The following GPHN variants were observed in gnomAD, a reference collection of about 807,000 sequenced individuals.
GPHN encodes the protein gephyrin.
A neutral mutation model predicts 95.5 loss-of-function variants in GPHN; 17 were observed. That is an observed-to-expected ratio of 0.18 (90% CI 0.12 to 0.27). GPHN has a LOEUF of 0.27. GPHN is among the 10% of genes least tolerant of loss of function. The probability of loss-of-function intolerance (pLI) is 1.00; values close to 1 mark genes in which losing one functional copy is unlikely to be tolerated. For missense variants in GPHN, 660 were observed against 978.1 expected, an observed-to-expected ratio of 0.67 and a Z score of 4.34; for synonymous variants, 320 against 322.5, an observed-to-expected ratio of 0.99 and a Z score of 0.08.
intron 1 of GPHN, among the ~76,000 whole-genome samples, chr14:66,591,259 C>G (rs968419864): frequency 3.3e-5 from 5 of 152,126 alleles, no homozygotes; most frequent in Non-Finnish European, 7.4e-5. Flanking sequence ...GCAAGGATGC[C>G]CTCTCTCACC....
intron 10 of GPHN, among the ~76,000 whole-genome samples, chr14:67,028,270 G>A (rs1251406478): frequency 2.0e-5 from 3 of 152,126 alleles, no homozygotes; most frequent in Non-Finnish European, 1.5e-5. Context: ...GTTATTTATT[G>A]ATGGACACAG....
the GPHN span, among the ~76,000 whole-genome samples, chr14:67,710,051 A>G: frequency 3.3e-5 from 5 of 152,152 alleles, no homozygotes; most frequent in East Asian, 9.6e-4. Flanking sequence ...CTCCCTCCCC[A>G]CTTAGAGTCT....
At chr14:66,830,979 A>T (rs1029808593) in intron 4 of GPHN, among the ~76,000 whole-genome samples, 1 of 152,090 alleles carries the variant, frequency 6.6e-6, no homozygotes, top group Non-Finnish European at 1.5e-5. Flanking sequence ...TTATGTAGTC[A>T]TTAGTCATTT....
At chr14:66,891,447 C>T (rs897814700) in intron 5 of GPHN, among the ~76,000 whole-genome samples, 6 of 151,878 alleles carry the variant, frequency 4.0e-5, no homozygotes, top group Admixed American at 3.3e-4. Context: ...ATCCACTTGC[C>T]AAAGAATGAA....
At chr14:67,615,772 G>A in the GPHN span, 4,886 of 517,672 alleles carry the variant, frequency 9.4e-3, 197 homozygotes, top group East Asian at 0.086. Flanking sequence ...CACCCCAGAG[G>A]TCTCCTTCAG....
intron 10 of GPHN, among the ~76,000 whole-genome samples, chr14:67,053,103 A>AT (rs1172704306): frequency 6.6e-6 from 1 of 151,126 alleles, no homozygotes; most frequent in Non-Finnish European, 1.5e-5. Flanking sequence ...AATAACCAAG[A>AT]TCAGAGCAGA....
the GPHN span, among the ~76,000 whole-genome samples, chr14:67,408,722 G>A: frequency 6.6e-6 from 1 of 152,126 alleles, no homozygotes; most frequent in Non-Finnish European, 1.5e-5. Context: ...GAGGCAGCAC[G>A]GCCCTGGCAA....
At chr14:67,205,153 ACTT>A in the GPHN span, 3 of 1,433,286 alleles carry the variant, frequency 2.1e-6, no homozygotes, top group Non-Finnish European at 1.9e-6. Context: ...CCGAGATCAC[ACTT>A]CTTGGTTAGC....
At chr14:67,477,828 G>A in the GPHN span, among the ~76,000 whole-genome samples, 2 of 152,024 alleles carry the variant, frequency 1.3e-5, no homozygotes, top group African/African-American at 4.8e-5. Flanking sequence ...TCTCTCCTAA[G>A]ACCCCCACCC....
chr14:67,653,503 G>C, the GPHN span: 1 of 1,612,892 alleles, frequency 6.2e-7, no homozygotes, highest in Non-Finnish European at 8.5e-7. Flanking sequence ...TACCAGCTGA[G>C]AAGAGAAAAT....
chr14:67,534,681 C>G, the GPHN span, among the ~76,000 whole-genome samples: 1 of 151,964 alleles, frequency 6.6e-6, no homozygotes, highest in East Asian at 1.9e-4. Flanking sequence ...AGCCTGTGGC[C>G]CCAAACTCAT....
At chr14:67,257,041 A>G in the GPHN span, among the ~76,000 whole-genome samples, 2 of 152,122 alleles carry the variant, frequency 1.3e-5, no homozygotes, top group African/African-American at 4.8e-5. Context: ...TTAGGGAGAC[A>G]TGAGACATCA....
At chr14:66,893,033 G>A (rs1324687446) in intron 5 of GPHN, among the ~76,000 whole-genome samples, 1 of 152,142 alleles carries the variant, frequency 6.6e-6, no homozygotes, top group Non-Finnish European at 1.5e-5. Flanking sequence ...GAGGTATACT[G>A]GGTTTCAAAA....
intron 9 of GPHN, among the ~76,000 whole-genome samples, chr14:66,993,094 A>T (rs1425481506): frequency 6.6e-6 from 1 of 152,172 alleles, no homozygotes; most frequent in African/African-American, 2.4e-5. Flanking sequence ...AGCTTGAGAA[A>T]AGAAGCCTGC....
chr14:67,200,551 T>TA, the GPHN span: 108 of 235,638 alleles, frequency 4.6e-4, no homozygotes, highest in East Asian at 1.6e-3. Flanking sequence ...ACTCCTTGTT[T>TA]AAAAAAAAAT....
chr14:66,988,610 G>A (rs879708057), intron 9 of GPHN, among the ~76,000 whole-genome samples: 7 of 151,974 alleles, frequency 4.6e-5, no homozygotes, highest in Non-Finnish European at 1.0e-4. Flanking sequence ...ACACCTTCAC[G>A]TAGCATCTTA....
At chr14:67,713,268 A>AC in the GPHN span, among the ~76,000 whole-genome samples, 1 of 151,440 alleles carries the variant, frequency 6.6e-6, no homozygotes, top group Non-Finnish European at 1.5e-5. Context: ...AAACAAACAA[A>AC]AAACAAAACA....
intron 1 of GPHN, among the ~76,000 whole-genome samples, chr14:66,601,921 A>T (rs2062264909): frequency 6.6e-6 from 1 of 152,002 alleles, no homozygotes; most frequent in Non-Finnish European, 1.5e-5. Context: ...GGAATATTTT[A>T]AACCAAATAT....
chr14:66,523,969 G>C (rs1055837571), intron 1 of GPHN, among the ~76,000 whole-genome samples: 5 of 152,044 alleles, frequency 3.3e-5, no homozygotes, highest in Non-Finnish European at 7.4e-5. Flanking sequence ...GTTTTGGGCA[G>C]TTAGAGTTAG....
Sources: gnomAD v4.1 joint callset for allele counts (sites outside exome capture counted in the v4.1 genomes callset) on GRCh38, gnomAD v4.1.1 for gene constraint, MANE v1.5 for transcripts, NCBI Gene and HGNC (gene_info 2026-07-23, HGNC 2026-07-21) for gene names.